Variants in GABRA5 observed in about 807,000 individuals in gnomAD.
The protein encoded by GABRA5 is gamma-aminobutyric acid type A receptor subunit alpha5.
Under a neutral mutation model 47.3 loss-of-function variants are expected in GABRA5, and 18 were observed. The observed-to-expected ratio is 0.38, with a 90% CI of 0.26 to 0.56. GABRA5 has a LOEUF of 0.56. Ranked by LOEUF, GABRA5 falls within the 20% of genes least tolerant of loss-of-function variation. GABRA5 has a pLI of 0.71. For synonymous variants in GABRA5, 237 were observed against 229.3 expected (o/e 1.03, Z -0.30); for missense variants, 365 against 599.3 (o/e 0.61, Z 4.08).
chr15:26,893,273 G>C (rs1566870287), intron 6 of GABRA5, among the ~76,000 whole-genome samples: 1 of 149,256 alleles, frequency 6.7e-6, no homozygotes, highest in Non-Finnish European at 1.5e-5. Flanking sequence ...TGTATGGTGT[G>C]TGTGTATGGC....
chr15:26,911,493 C>T (rs576229958), intron 6 of GABRA5, among the ~76,000 whole-genome samples: 9 of 152,128 alleles, frequency 5.9e-5, no homozygotes, highest in South Asian at 2.1e-4. Context: ...CAGTAATTTT[C>T]GGAAGGTGGG....
chr15:26,910,866 C>T (rs546379022), intron 6 of GABRA5, among the ~76,000 whole-genome samples: 44 of 152,180 alleles, frequency 2.9e-4, no homozygotes, highest in African/African-American at 8.9e-4. Flanking sequence ...GTCTCTCTTG[C>T]GCTATGACAG....
At chr15:26,893,224 G>A (rs1411774339) in intron 6 of GABRA5, among the ~76,000 whole-genome samples, 1 of 65,928 alleles carries the variant, frequency 1.5e-5, no homozygotes, top group African/African-American at 5.1e-5. Flanking sequence ...TGGTGTGAGC[G>A]TATGGTGTGT....
intron 6 of GABRA5, among the ~76,000 whole-genome samples, chr15:26,886,286 C>A (rs543600051): frequency 6.6e-6 from 1 of 152,184 alleles, no homozygotes; most frequent in Non-Finnish European, 1.5e-5. Context: ...TCCCAAAGTG[C>A]TGGGATTACA....
Position 26,867,964 on chromosome 15 carries a change from G to C in GABRA5, c.-139-765G>C, listed in dbSNP as rs1892362231. 1 of 152,006 alleles carries C rather than the reference G, an allele frequency of 6.6e-6. No homozygotes were observed. The highest frequency in any genetic ancestry group is 2.4e-5 in the African/African-American group (1 of 41,422). The allele number at this position is 152,006 out of a possible 1,614,324, so 9.4% of individuals were successfully genotyped here. ...GTCTGCGAAAGCCGGGAGCGAGCCG[G>C]GGAGGGCCGGGGAGCTGGAGACCCT... On this transcript the variant is annotated intron_variant, in intron 1 of 10. Coordinates refer to ENST00000335625, the MANE Select transcript of GABRA5 (RefSeq NM_000810.4). The surrounding 1 kb of genome is among the most constrained non-coding windows in gnomAD (Gnocchi z 5.9).
chr15:26,916,396 T>A (rs1893718384), intron 7 of GABRA5, among the ~76,000 whole-genome samples: 5 of 152,192 alleles, frequency 3.3e-5, no homozygotes, highest in Admixed American at 3.3e-4. Context: ...TATGCATAGA[T>A]TGATTTCTGG....
chr15:26,910,170 T>C (rs1893546051), intron 6 of GABRA5, among the ~76,000 whole-genome samples: 1 of 152,124 alleles, frequency 6.6e-6, no homozygotes, highest in Non-Finnish European at 1.5e-5. Context: ...ACTCTAGAAT[T>C]TGGCCATTTT....
chr15:26,913,492 A>G (rs1310831107), intron 6 of GABRA5, among the ~76,000 whole-genome samples: 2 of 152,148 alleles, frequency 1.3e-5, no homozygotes, highest in African/African-American at 4.8e-5. Context: ...AAAAGCAAAA[A>G]TGGATGTTTA....
intron 10 of GABRA5, 110 bp from the exon 11 acceptor site, chr15:26,947,824 C>A: frequency 1.0e-6 from 1 of 976,504 alleles, no homozygotes; most frequent in African/African-American, 1.6e-5. Flanking sequence ...GGCCCTCTCC[C>A]AGGCTAAACA....
intron 6 of GABRA5, among the ~76,000 whole-genome samples, chr15:26,909,230 A>T (rs182336738): frequency 1.3e-5 from 2 of 152,240 alleles, no homozygotes; most frequent in African/African-American, 4.8e-5. Flanking sequence ...CACTTCCGCC[A>T]TCAGATTTCC....
At chr15:26,921,629 G>T (rs1031442209) in intron 7 of GABRA5, among the ~76,000 whole-genome samples, 16 of 151,154 alleles carry the variant, frequency 1.1e-4, no homozygotes, top group Non-Finnish European at 2.4e-4. Flanking sequence ...TCTTTCTTTT[G>T]CTTACTTTGC....
At chr15:26,919,780 C>G (rs1213229020) in intron 7 of GABRA5, among the ~76,000 whole-genome samples, 1 of 152,088 alleles carries the variant, frequency 6.6e-6, no homozygotes, top group Non-Finnish European at 1.5e-5. Flanking sequence ...TTGAAAAACT[C>G]TCTTTAGTAT....
intron 6 of GABRA5, among the ~76,000 whole-genome samples, chr15:26,893,832 G>A (rs1893103703): frequency 2.0e-5 from 3 of 152,076 alleles, no homozygotes; most frequent in South Asian, 2.1e-4. Context: ...GGGGACCCGC[G>A]TGGGCAGCAG....
chr15:26,883,271 T>G lies in GABRA5; in HGVS notation c.276+38T>G, dbSNP rs1360037683. 6.2e-7 allele frequency: 1 copy of G among 1,611,934 alleles called. No individual in the cohort carries two copies. The highest frequency in any genetic ancestry group is 8.5e-7 in the Non-Finnish European group (1 of 1,178,162). ...GCATGGCTGGGCAGACAATTCTTACTCCGCGCCGCAGGCCCCCGCCCAGGC... is the reference window on the plus strand; with the variant it reads ...GCATGGCTGGGCAGACAATTCTTACGCCGCGCCGCAGGCCCCCGCCCAGGC... On this transcript the variant is annotated intron_variant, in intron 5 of 10. Coordinates refer to ENST00000335625, the MANE Select transcript of GABRA5 (RefSeq NM_000810.4). This position sits in a 1 kb window ranked among gnomAD's most constrained non-coding sequence, Gnocchi z 4.8.
At chr15:26,901,367 G>A (rs1644556407) in intron 6 of GABRA5, among the ~76,000 whole-genome samples, 2 of 152,168 alleles carry the variant, frequency 1.3e-5, no homozygotes, top group South Asian at 4.1e-4. Context: ...GAGATGTGTA[G>A]TGATATCTCA....
intron 3 of GABRA5, among the ~76,000 whole-genome samples, chr15:26,876,235 G>A (rs1394150511): frequency 6.6e-6 from 1 of 152,190 alleles, no homozygotes; most frequent in Non-Finnish European, 1.5e-5. Flanking sequence ...GTCTCCCAGT[G>A]AATGTAGAGG....
At chr15:26,903,870 A>T (rs1893382160) in intron 6 of GABRA5, among the ~76,000 whole-genome samples, 2 of 151,940 alleles carry the variant, frequency 1.3e-5, no homozygotes, top group Admixed American at 6.6e-5. Context: ...CTTTTGTCAG[A>T]TGCATATTAG....
intron 7 of GABRA5, among the ~76,000 whole-genome samples, chr15:26,936,395 C>CT (rs1894244868): frequency 3.3e-5 from 5 of 152,120 alleles, no homozygotes; most frequent in Non-Finnish European, 7.4e-5. Context: ...GGCTTATGGC[C>CT]CCCCTTACCC....
chr15:26,893,283 CAT>C (rs1008668115), intron 6 of GABRA5, among the ~76,000 whole-genome samples: 3 of 30,692 alleles, frequency 9.8e-5, no homozygotes, highest in African/African-American at 3.6e-4. Flanking sequence ...GTGTGTATGG[CAT>C]ATGGCGTGTG....
Sources: allele counts gnomAD v4.1 joint callset (sites outside exome capture counted in the v4.1 genomes callset), GRCh38; gene constraint gnomAD v4.1.1; non-coding constraint Gnocchi (gnomAD v3.1); transcripts MANE v1.5; gene names NCBI Gene and HGNC (gene_info 2026-07-23, HGNC 2026-07-21).